Variants in CTSB observed in about 807,000 individuals in gnomAD.
CTSB encodes cathepsin B.
Under a neutral mutation model 44.3 loss-of-function variants are expected in CTSB, and 57 were observed. That is an observed-to-expected ratio of 1.29 (90% CI 1.04 to 1.60). The LOEUF is 1.60. Among genes scored for constraint, CTSB ranks in the 40% most tolerant of loss-of-function variants. The pLI, the probability that CTSB is intolerant of heterozygous loss-of-function variation, is 0.00. For synonymous variants in CTSB, 320 were observed against 168.0 expected (o/e 1.91, Z -7.00); for missense variants, 768 against 443.0 (o/e 1.73, Z -6.59).
At chr8:11,845,631 G>C (rs773245276) in intron 9 of CTSB, 30 bp downstream of exon 9, 1 of 1,607,216 alleles carries the variant, frequency 6.2e-7, no homozygotes, top group Non-Finnish European at 8.5e-7. Flanking sequence ...ACAATTCACT[G>C]TTCTTGGCAG....
At chr8:11,846,125 T>C (rs1017860920) in intron 8 of CTSB, 10 of 174,218 alleles carry the variant, frequency 5.7e-5, no homozygotes, top group Non-Finnish European at 9.7e-5. Context: ...TGGGATTCCA[T>C]GTAAGTAAGG....
chr8:11,849,020 C>T (rs748484502), intron 5 of CTSB, 26 bp downstream of exon 5: 44 of 1,564,096 alleles, frequency 2.8e-5, no homozygotes, highest in African/African-American at 5.4e-5. Context: ...GCACTAAACC[C>T]GCTGTGGAAG....
At position 11,847,733 on chromosome 8, in the gene CTSB, T is replaced by A. The variant is rs190293135; in HGVS notation, c.622A>T (p.Ser208Cys). The stretch of plus-strand genomic sequence containing the variant: ...CTGTAGCCAGGCTCACAGATCTTGC[T>A]ACACTTGGGGGTATCTCCCTCCCCC... ...CTGEGDTPKC[S>C]KICEPGYSPT... The change falls in exon 7 of 10, where the codon AGC (serine) becomes TGC (cysteine). Residue 208 changes from serine to cysteine, a missense_variant. Transcript: ENST00000353047. 1 of 1,599,606 alleles carries A rather than the reference T, an allele frequency of 6.3e-7. No homozygotes were observed. Among genetic ancestry groups the A allele is most frequent in the East Asian group, 2.2e-5 (1 of 44,634 alleles).
chr8:11,848,270 G>A lies in CTSB; in HGVS notation c.447-118C>T, dbSNP rs114687032. ...GGACCCACCCCCAGCTGCAGCAAGT[G>A]GTGCGAGCAGACCTCCCAGACCCCA... On this transcript the variant is annotated intron_variant, in intron 5 of 9. Coordinates refer to ENST00000353047, the MANE Select transcript of CTSB (RefSeq NM_001908.5). The A allele has an allele frequency of 1.9e-5, 16 of 856,410 alleles. No homozygotes were observed. The Admixed American group carries it at 1.9e-4, about 10-fold the overall frequency. 53.1% of individuals were successfully genotyped at this position (856,410 alleles called of 1,614,324 possible).
intron 1 of CTSB, among the ~76,000 whole-genome samples, chr8:11,855,255 C>G (rs946620095): frequency 1.3e-5 from 2 of 152,016 alleles, no homozygotes; most frequent in Admixed American, 1.3e-4. Context: ...CGCCTGACCT[C>G]GTGATCCACC....
In CTSB at chr8:11,847,134, C is replaced by T; in HGVS notation, c.711G>A (p.Lys237=). 6.2e-7 allele frequency: 1 copy of T among 1,606,124 alleles called. No homozygotes were observed. The highest frequency in any genetic ancestry group is 1.1e-5 in the South Asian group (1 of 90,710). ...TTTTGTAGATCTCGGCCATGATGTC[C>T]TTCTCGCTATTGGAGACGCTGTAGG... ...YNSYSVSNSE[K]DIMAEIYKNG... is the part of the protein sequence containing the mutation. Residue 237 remains lysine, a synonymous_variant, in exon 8 of 10, where the codon AAG becomes AAA. Coordinates refer to ENST00000353047, the MANE Select transcript of CTSB (RefSeq NM_001908.5).
intron 1 of CTSB, among the ~76,000 whole-genome samples, chr8:11,857,639 C>G (rs989526932): frequency 2.0e-5 from 3 of 152,150 alleles, no homozygotes; most frequent in Admixed American, 6.5e-5. Context: ...GACAACCTGC[C>G]GTGGCCATTC....
At position 11,852,669 on chromosome 8, in the gene CTSB, G is replaced by T; in HGVS notation, c.153C>A (p.Asp51Glu). Residue 51 changes from aspartate to glutamate, a missense_variant, in exon 3 of 10, where the codon GAC (aspartate) becomes GAA (glutamate). By Grantham distance (45) the Asp-to-Glu change is conservative (BLOSUM62 2). Transcript: ENST00000353047. ...CACATAGCCTCTTCAAGTAGCTCAT[G>T]TCCACGTTGTAGAAGTTGTGCCCGG... ...WQAGHNFYNV[D>E]MSYLKRLCGT... 1.2e-6 allele frequency: 2 copies of T among 1,614,066 alleles called. No homozygotes were observed. The highest frequency in any genetic ancestry group is 1.7e-6 in the Non-Finnish European group (2 of 1,180,018).
rs1351233891 is a variant in CTSB, at chr8:11,844,941, C to A, written c.*184G>T. ...GGCAGCGGTGGCTCACATGGCCTGT[C>A]TGCACTGTAACCACAGGCTGGGATG... is the stretch of plus-strand genomic sequence containing the variant. On this transcript the variant is annotated 3_prime_UTR_variant, in exon 10 of 10. Transcript: ENST00000353047. 2 of 603,360 alleles carry A rather than the reference C, an allele frequency of 3.3e-6. No homozygotes were observed. The highest frequency in any genetic ancestry group is 2.8e-5 in the East Asian group (1 of 36,098). 37.4% of individuals were successfully genotyped at this position (603,360 alleles called of 1,614,324 possible).
At chr8:11,849,851 G>C (rs1814227272) in intron 4 of CTSB, 2 of 152,218 alleles carry the variant, frequency 1.3e-5, no homozygotes, top group Non-Finnish European at 2.9e-5. Context: ...AAAGTGTTGA[G>C]ATTACAGGCG....
chr8:11,864,044 AAC>A (rs1472096788), intron 1 of CTSB, among the ~76,000 whole-genome samples: 3 of 152,228 alleles, frequency 2.0e-5, no homozygotes, highest in Non-Finnish European at 4.4e-5. Context: ...CTGGGCACTT[AAC>A]ACAAATGGAC....
Position 11,854,375 on chromosome 8 carries a change from T to C in CTSB, c.-25-896A>G, listed in dbSNP as rs1197836852. 2.6e-5 allele frequency among the ~76,000 whole-genome samples: 4 copies of C among 152,152 alleles called. No homozygotes were observed. The East Asian group carries it at 7.7e-4, about 29-fold the overall frequency. On this transcript the variant is annotated intron_variant, in intron 1 of 9. Coordinates refer to ENST00000353047, the MANE Select transcript of CTSB (RefSeq NM_001908.5). Reference sequence around the variant, plus strand: ...ACTGCGGTGTCAGTGCTTAACAAACTGCCTGGCACCTAGGGGTTCTATCTG... The same window carrying C: ...ACTGCGGTGTCAGTGCTTAACAAACCGCCTGGCACCTAGGGGTTCTATCTG...
chr8:11,859,592 C>CTCCTGTATTTT (rs1816060090), intron 1 of CTSB, among the ~76,000 whole-genome samples: 1 of 151,384 alleles, frequency 6.6e-6, no homozygotes, highest in African/African-American at 2.4e-5. Flanking sequence ...CAAGGTGAAA[C>CTCCTGTATTTT]TCCTGTCTCT....
chr8:11,853,866 C>G (rs1815051189), intron 1 of CTSB: 1 of 160,216 alleles, frequency 6.2e-6, no homozygotes, highest in South Asian at 1.8e-4. Context: ...AAGTGGAGGA[C>G]CCAGGGGACA....
At chr8:11,846,555 G>C (rs79480118) in intron 8 of CTSB, among the ~76,000 whole-genome samples, 3 of 152,178 alleles carry the variant, frequency 2.0e-5, no homozygotes, top group Admixed American at 6.5e-5. Flanking sequence ...AGTCCCTATG[G>C]CACTACCCAG....
intron 1 of CTSB, chr8:11,853,801 T>C (rs758953280): frequency 2.3e-5 from 5 of 221,648 alleles, no homozygotes; most frequent in Non-Finnish European, 9.0e-6. Context: ...CTTGAGACAC[T>C]TTCCCAAGTG....
intron 8 of CTSB, among the ~76,000 whole-genome samples, chr8:11,846,663 C>A (rs913080739): frequency 2.6e-5 from 4 of 152,186 alleles, no homozygotes; most frequent in Admixed American, 1.3e-4. Flanking sequence ...AGTGCAAACA[C>A]GAACGGCCTG....
intron 1 of CTSB, among the ~76,000 whole-genome samples, chr8:11,859,426 C>A (rs1039512437): frequency 1.3e-5 from 2 of 152,078 alleles, no homozygotes; most frequent in Admixed American, 1.3e-4. Context: ...AGTCCTGACA[C>A]CCTTAAAGAA....
In CTSB at chr8:11,849,112, G is replaced by T. The variant is rs749272302; in HGVS notation, c.380C>A (p.Ala127Glu). The T allele has an allele frequency of 2.5e-6, 4 of 1,613,522 alleles. No individual in the cohort carries two copies. Among genetic ancestry groups the T allele is most frequent in the East Asian group, 2.2e-5 (1 of 44,874 alleles). The change falls in exon 5 of 10, where the codon GCG (alanine) becomes GAG (glutamate). Residue 127 changes from alanine (A) to glutamate (E), a missense_variant. Ala to Glu is a moderately radical substitution (Grantham distance 107). Coordinates refer to ENST00000353047, the MANE Select transcript of CTSB (RefSeq NM_001908.5). Reference protein sequence around the residue: ...ISDRICIHTNAHVSVEVSAED... With the variant: ...ISDRICIHTNEHVSVEVSAED... ...CGCCGACACCTCCACGCTGACGTGC[G>T]CATTGGTGTGGATGCAGATCCGGTC...
Sources: allele counts gnomAD v4.1 joint callset (sites outside exome capture counted in the v4.1 genomes callset), GRCh38; gene constraint gnomAD v4.1.1; transcripts MANE v1.5; gene names NCBI Gene and HGNC (gene_info 2026-07-23, HGNC 2026-07-21).